Variants in KCTD1 observed in about 807,000 individuals in gnomAD.
The protein encoded by KCTD1 is potassium channel tetramerization domain containing 1, also known as BTB/POZ domain-containing protein KCTD1.
Under a neutral mutation model 66.0 loss-of-function variants are expected in KCTD1, and 24 were observed. The ratio of observed to expected loss-of-function variants is 0.36; its 90% CI spans 0.26 to 0.51. KCTD1 has a LOEUF of 0.51. Among genes scored for constraint, KCTD1 ranks in the 20% least tolerant of loss-of-function variants. The pLI, the probability that KCTD1 is intolerant of heterozygous loss-of-function variation, is 0.95. For synonymous variants in KCTD1, 511 were observed against 517.2 expected (o/e 0.99, Z 0.16); for missense variants, 943 against 1,205.2 (o/e 0.78, Z 3.22).
At chr18:26,599,992 C>A in intron 1 of KCTD1, 15 of 1,610,654 alleles carry the variant, frequency 9.3e-6, no homozygotes, top group Non-Finnish European at 1.3e-5. Context: ...TGCTGCCAAG[C>A]TGTGGACCCT....
In KCTD1 at chr18:26,513,155, T is replaced by C. The variant is rs189473409; in HGVS notation, c.1810-11905A>G. Among the ~76,000 whole-genome samples the C allele has an allele frequency of 4.9e-3, 737 of 150,528 alleles. 1 individual carries two copies. The highest frequency in any genetic ancestry group is 7.3e-3 in the Non-Finnish European group (491 of 67,704). On this transcript the variant is annotated intron_variant, in intron 1 of 4. Coordinates refer to ENST00000580059, the MANE Select transcript of KCTD1 (RefSeq NM_001142730.3). Reference sequence around the variant, plus strand: ...CAGGCTGGAGTGCAATGGCGCCATCTCGGTTCACTGCAAGCTCCGCCTCCC... The same window carrying C: ...CAGGCTGGAGTGCAATGGCGCCATCCCGGTTCACTGCAAGCTCCGCCTCCC...
intron 1 of KCTD1, among the ~76,000 whole-genome samples, chr18:26,651,799 A>AAAAAGAAGAAGAAGAAG (rs764181233): frequency 8.5e-6 from 1 of 117,116 alleles, no homozygotes; most frequent in African/African-American, 3.6e-5. Context: ...AAAAAAAAAA[A>AAAAAGAAGAAGAAGAAG]AAGAAGAAGA....
chr18:26,536,438 A>C (rs939121291), intron 1 of KCTD1, among the ~76,000 whole-genome samples: 1 of 152,198 alleles, frequency 6.6e-6, no homozygotes, highest in Non-Finnish European at 1.5e-5. Flanking sequence ...AAAAGGCTTA[A>C]ATTTTTTGAC....
Position 26,652,995 on chromosome 18 carries a change from A to G in KCTD1, c.9+4365T>C, listed in dbSNP as rs140999239. The stretch of plus-strand genomic sequence containing the variant: ...TCTGTAAACTTTCCCCTCTACATAG[A>G]TCTCAAACCCTTCCATCAGTATTTC... On this transcript the variant is annotated intron_variant, in intron 1 of 4. Transcript: ENST00000580191. 6.3e-3 allele frequency among the ~76,000 whole-genome samples: 965 copies of G among 152,168 alleles called. 11 individuals are homozygous for G. Among genetic ancestry groups the G allele is most frequent in the African/African-American group, 0.023 (935 of 41,514 alleles).
chr18:26,643,373 C>T (rs759689942), upstream of KCTD1, among the ~76,000 whole-genome samples: 8 of 151,982 alleles, frequency 5.3e-5, no homozygotes, highest in East Asian at 1.9e-4. Flanking sequence ...ATATGAAATT[C>T]GGGGGTACAC....
intron 1 of KCTD1, among the ~76,000 whole-genome samples, chr18:26,612,376 C>A (rs1987155938): frequency 6.6e-6 from 1 of 152,140 alleles, no homozygotes; most frequent in Non-Finnish European, 1.5e-5. Context: ...CCCCCAGTAC[C>A]TCAGAATGTA....
intron 2 of KCTD1, among the ~76,000 whole-genome samples, chr18:26,488,186 AT>A (rs67518012): frequency 0.11 from 16,013 of 147,826 alleles, 1,076 homozygotes; most frequent in Admixed American, 0.17. Flanking sequence ...ATGGAACTTC[AT>A]TTTTTTTTTT....
At chr18:26,623,040 C>T (rs1169087950) in intron 1 of KCTD1, among the ~76,000 whole-genome samples, 2 of 152,088 alleles carry the variant, frequency 1.3e-5, no homozygotes, top group Non-Finnish European at 2.9e-5. Context: ...TCTTTTCTGT[C>T]TCTTACATTG....
intron 1 of KCTD1, among the ~76,000 whole-genome samples, chr18:26,620,020 C>A (rs1249560594): frequency 1.3e-5 from 2 of 152,122 alleles, no homozygotes; most frequent in Non-Finnish European, 2.9e-5. Flanking sequence ...CACAAGGAGA[C>A]CCTGCATAAT....
In KCTD1 at chr18:26,546,479, G is replaced by T. The variant is rs1985226003; in HGVS notation, c.1809+249C>A. Among the ~76,000 whole-genome samples, 3 of 152,184 alleles carry T rather than the reference G, an allele frequency of 2.0e-5. No individual in the cohort carries two copies. In the South Asian group the frequency reaches 6.2e-4, roughly 32 times the overall value. The stretch of plus-strand genomic sequence containing the variant: ...CTAATCCTTTTGTTCGGCGAACTTT[G>T]AAGTTTTTCGCCTTACTGCACAGCA... On this transcript the variant is annotated intron_variant, in intron 1 of 4. Coordinates refer to ENST00000580059, the MANE Select transcript of KCTD1 (RefSeq NM_001142730.3).
intron 1 of KCTD1, among the ~76,000 whole-genome samples, chr18:26,654,849 C>A (rs1988099997): frequency 6.6e-6 from 1 of 152,216 alleles, no homozygotes; most frequent in Admixed American, 6.5e-5. Flanking sequence ...GCTCACAATT[C>A]TTTCCATTCA....
chr18:26,532,360 C>T (rs1159224739), intron 1 of KCTD1, among the ~76,000 whole-genome samples: 1 of 147,808 alleles, frequency 6.8e-6, no homozygotes, highest in East Asian at 2.0e-4. Context: ...GCCTTGAACT[C>T]CTGGGCTTAA....
chr18:26,542,913 G>A (rs1233719957), intron 1 of KCTD1: 1 of 152,188 alleles, frequency 6.6e-6, no homozygotes, highest in Non-Finnish European at 1.5e-5. Flanking sequence ...GTGCATGGAA[G>A]AGAATATAAA....
At chr18:26,600,073 T>A (rs139399011) in intron 1 of KCTD1, 181,842 of 1,610,024 alleles carry the variant, frequency 0.11, 11,054 homozygotes, top group Admixed American at 0.19. Flanking sequence ...TCCAGAAGAT[T>A]TGAAGAAGCC....
At chr18:26,508,607 T>C (rs111301875) in intron 1 of KCTD1, among the ~76,000 whole-genome samples, 8 of 152,238 alleles carry the variant, frequency 5.3e-5, no homozygotes, top group Non-Finnish European at 7.3e-5. Context: ...GTAAAATACC[T>C]ATATCCTTTG....
upstream of KCTD1, among the ~76,000 whole-genome samples, chr18:26,551,932 G>A (rs536357041): frequency 3.9e-5 from 6 of 152,084 alleles, no homozygotes; most frequent in Admixed American, 6.5e-5. Flanking sequence ...CGAAGCTGCC[G>A]GTCACCCCTT....
upstream of KCTD1, among the ~76,000 whole-genome samples, chr18:26,550,839 G>GGGCT (rs1985537914): frequency 6.6e-6 from 1 of 152,252 alleles, no homozygotes; most frequent in Non-Finnish European, 1.5e-5. The surrounding 1 kb of genome is among the most constrained non-coding windows in gnomAD (Gnocchi z 5.4). Context: ...TAATTCCAGA[G>GGGCT]GGCTGGCCCT....
At chr18:26,460,635 C>T (rs1372761250) in intron 3 of KCTD1, among the ~76,000 whole-genome samples, 2 of 152,200 alleles carry the variant, frequency 1.3e-5, no homozygotes, top group African/African-American at 4.8e-5. Context: ...GAGACATAAA[C>T]AACTTTAGGC....
At chr18:26,492,828 T>C (rs28689068) in intron 2 of KCTD1, among the ~76,000 whole-genome samples, 95,301 of 151,406 alleles carry the variant, frequency 0.63, 30,345 homozygotes, top group African/African-American at 0.68. Context: ...ATACAGTTCC[T>C]TACCTATAAG....
Sources: gnomAD v4.1 joint callset for allele counts (sites outside exome capture counted in the v4.1 genomes callset) on GRCh38, gnomAD v4.1.1 for gene constraint, Gnocchi (gnomAD v3.1) non-coding constraint, MANE v1.5 for transcripts, NCBI Gene and HGNC (gene_info 2026-07-23, HGNC 2026-07-21) for gene names.